Variants in SLC17A1 observed in about 807,000 individuals in gnomAD.
SLC17A1 encodes the protein sodium-dependent phosphate transport protein 1.
Under a neutral mutation model 53.5 loss-of-function variants are expected in SLC17A1, and 51 were observed. That is an observed-to-expected ratio of 0.95 (90% CI 0.76 to 1.20). The LOEUF is 1.20. Ranked by LOEUF, SLC17A1 falls within the 50% of genes most tolerant of loss-of-function variation. The pLI is 0.00. For synonymous variants in SLC17A1, 179 were observed against 198.8 expected, an observed-to-expected ratio of 0.90 and a Z score of 0.84; for missense variants, 538 against 568.2, an observed-to-expected ratio of 0.95 and a Z score of 0.54.
chr6:25,755,314 A>G, the SLC17A1 span, among the ~76,000 whole-genome samples: 2 of 152,174 alleles, frequency 1.3e-5, no homozygotes, highest in Non-Finnish European at 2.9e-5. Flanking sequence ...ATGAAATCTA[A>G]TATGGCTTTG....
chr6:25,773,738 A>G, the SLC17A1 span: 1 of 1,544,862 alleles, frequency 6.5e-7, no homozygotes, highest in Non-Finnish European at 8.8e-7. Flanking sequence ...GAGCTCATAT[A>G]TAATCCTCTG....
the SLC17A1 span, chr6:25,732,233 C>T: frequency 3.0e-6 from 1 of 329,226 alleles, no homozygotes. Flanking sequence ...TATTTATAGG[C>T]ATGGCCCTCA....
chr6:25,727,407 T>TTC, the SLC17A1 span: 1 of 984,526 alleles, frequency 1.0e-6, no homozygotes, highest in Admixed American at 3.2e-5. Context: ...GGGTTTTTTT[T>TTC]TTTTTTGAGG....
the SLC17A1 span, among the ~76,000 whole-genome samples, chr6:25,759,599 G>A: frequency 2.6e-5 from 4 of 152,096 alleles, no homozygotes; most frequent in Non-Finnish European, 5.9e-5. Context: ...TTTGTCTGAT[G>A]TAAGAATAGC....
downstream of SLC17A1, among the ~76,000 whole-genome samples, chr6:25,781,776 G>A (rs1763274291): frequency 6.6e-6 from 1 of 152,126 alleles, no homozygotes; most frequent in Non-Finnish European, 1.5e-5. Flanking sequence ...GAGCTTTAAT[G>A]TCACTAGGGA....
chr6:25,778,034 G>A (rs767610383), downstream of SLC17A1: 28 of 1,596,950 alleles, frequency 1.8e-5, no homozygotes, highest in Non-Finnish European at 2.3e-5. Flanking sequence ...CAAATGTTCT[G>A]ATGAATATTC....
chr6:25,800,303 G>T (rs1680019333), intron 11 of SLC17A1, among the ~76,000 whole-genome samples: 1 of 151,882 alleles, frequency 6.6e-6, no homozygotes, highest in African/African-American at 2.4e-5. Context: ...TGTCTTCAAT[G>T]GTCATTTACC....
the SLC17A1 span, among the ~76,000 whole-genome samples, chr6:25,727,564 G>C: frequency 7.0e-6 from 1 of 143,108 alleles, no homozygotes; most frequent in Non-Finnish European, 1.6e-5. Flanking sequence ...GCTAATTTTT[G>C]TATTTTTAGT....
chr6:25,816,632 T>C lies in SLC17A1; in HGVS notation c.616+2436A>G, dbSNP rs76259005. The stretch of plus-strand genomic sequence containing the variant: ...AAGTGATCTTGGCAATAGCTGTGTT[T>C]GATGCCACATACACTAGTCAGATGT... On this transcript the variant is annotated intron_variant, in intron 6 of 12. Transcript: ENST00000244527. Among the ~76,000 whole-genome samples the C allele has an allele frequency of 5.9e-3, 892 of 152,338 alleles. 9 individuals are homozygous for C. The highest frequency in any genetic ancestry group is 0.021 in the African/African-American group (860 of 41,568).
intron 12 of SLC17A1, among the ~76,000 whole-genome samples, chr6:25,788,326 A>G (rs9393669): frequency 6.6e-6 from 1 of 152,188 alleles, no homozygotes; most frequent in Non-Finnish European, 1.5e-5. Context: ...ACATCATATG[A>G]CCAGTGAAAG....
intron 10 of SLC17A1, among the ~76,000 whole-genome samples, chr6:25,807,183 A>G (rs1561832323): frequency 6.6e-6 from 1 of 152,168 alleles, no homozygotes; most frequent in African/African-American, 2.4e-5. Flanking sequence ...CTGGGTATCT[A>G]CCCAAAGGAA....
chr6:25,773,142 C>T, the SLC17A1 span: 1 of 741,634 alleles, frequency 1.3e-6, no homozygotes, highest in Non-Finnish European at 2.4e-6. Context: ...ATGATAGGGC[C>T]ATGCAAGGGA....
At chr6:25,726,805 G>T in the SLC17A1 span, 3 of 1,371,176 alleles carry the variant, frequency 2.2e-6, no homozygotes, top group Non-Finnish European at 3.0e-6. Flanking sequence ...ACTTGGAGCT[G>T]AGGTCATTTG....
chr6:25,742,460 G>A, the SLC17A1 span, among the ~76,000 whole-genome samples: 1 of 148,512 alleles, frequency 6.7e-6, no homozygotes, highest in African/African-American at 2.5e-5. Flanking sequence ...ATGAAGACTA[G>A]CCTGGGCAAC....
At chr6:25,770,064 T>C in the SLC17A1 span, 1 of 1,613,562 alleles carries the variant, frequency 6.2e-7, no homozygotes, top group South Asian at 1.1e-5. Context: ...CTTTGTCATC[T>C]AGGCCCCTGC....
At chr6:25,731,858 C>T in the SLC17A1 span, 167 of 1,602,736 alleles carry the variant, frequency 1.0e-4, no homozygotes, top group Middle Eastern at 1.7e-4. Flanking sequence ...CCCCAGGCAG[C>T]AGCAGGCGCA....
chr6:25,725,987 G>C, the SLC17A1 span: 1 of 720,522 alleles, frequency 1.4e-6, no homozygotes, highest in East Asian at 2.5e-5. Flanking sequence ...GCTTAAACGG[G>C]CATTTGTGAC....
At chr6:25,766,596 C>A in the SLC17A1 span, among the ~76,000 whole-genome samples, 2 of 152,150 alleles carry the variant, frequency 1.3e-5, no homozygotes, top group South Asian at 4.1e-4. Flanking sequence ...ATCAACTCAA[C>A]AGTAAGAAGT....
At chr6:25,756,895 G>C in the SLC17A1 span, among the ~76,000 whole-genome samples, 1 of 152,136 alleles carries the variant, frequency 6.6e-6, no homozygotes, top group Non-Finnish European at 1.5e-5. Flanking sequence ...TGCCCTGAAA[G>C]CTATGTCTTT....
Sources: allele counts gnomAD v4.1 joint callset (sites outside exome capture counted in the v4.1 genomes callset), GRCh38; gene constraint gnomAD v4.1.1; transcripts MANE v1.5; gene names NCBI Gene and HGNC (gene_info 2026-07-23, HGNC 2026-07-21).